The following ZNF487 variants were observed in gnomAD, a reference collection of about 807,000 sequenced individuals.
ZNF487 encodes KRAB domain only 1.
A neutral mutation model predicts 3.0 loss-of-function variants in ZNF487; 4 were observed. That is an observed-to-expected ratio of 1.35 (90% CI 0.66 to 3.08). ZNF487 has a LOEUF of 3.08. ZNF487 is among the 30% of genes most tolerant of loss of function. The pLI, the probability that ZNF487 is intolerant of heterozygous loss-of-function variation, is 0.01. For missense variants in ZNF487, 146 were observed against 98.7 expected, an observed-to-expected ratio of 1.48 and a Z score of -2.03; for synonymous variants, 55 against 34.6, an observed-to-expected ratio of 1.59 and a Z score of -2.06.
intron 1 of ZNF487, among the ~76,000 whole-genome samples, chr10:43,451,075 T>C (rs1446014170): frequency 6.6e-6 from 1 of 151,788 alleles, no homozygotes; most frequent in African/African-American, 2.4e-5. Context: ...GCCTCCCTAA[T>C]AGCTGGGATT....
chr10:43,440,402 AT>A (rs1839555053), intron 1 of ZNF487, among the ~76,000 whole-genome samples: 1 of 151,702 alleles, frequency 6.6e-6, no homozygotes, highest in Admixed American at 6.6e-5. Flanking sequence ...CACACCTATA[AT>A]CCCAGCACTT....
chr10:43,447,614 C>T (rs890634877), intron 1 of ZNF487, among the ~76,000 whole-genome samples: 1 of 152,196 alleles, frequency 6.6e-6, no homozygotes, highest in African/African-American at 2.4e-5. Flanking sequence ...GCACTGGGCA[C>T]TATTCCCTCT....
At chr10:43,480,009 TTC>T (rs1841275653) in intron 3 of ZNF487, among the ~76,000 whole-genome samples, 1 of 73,486 alleles carries the variant, frequency 1.4e-5, no homozygotes, top group Non-Finnish European at 3.9e-5. Context: ...CTTTCTTTCT[TTC>T]TTTCTTTCTT....
intron 1 of ZNF487, chr10:43,453,644 G>A (rs1051646595): frequency 1.3e-5 from 2 of 152,200 alleles, no homozygotes; most frequent in East Asian, 1.9e-4. Flanking sequence ...TGAGTGAGCC[G>A]AATAACAAAC....
At chr10:43,469,585 C>T (rs566854949) in intron 1 of ZNF487, among the ~76,000 whole-genome samples, 163 of 152,120 alleles carry the variant, frequency 1.1e-3, no homozygotes, top group Middle Eastern at 3.4e-3. Context: ...AAATGATCCT[C>T]CCACTTCAAC....
At chr10:43,485,286 AT>A (rs1841462416), downstream of ZNF487, among the ~76,000 whole-genome samples, 1 of 152,216 alleles carries the variant, frequency 6.6e-6, no homozygotes, top group Admixed American at 6.5e-5. Context: ...TAGCAGACTG[AT>A]AGCATGATTT....
the ZNF487 span, among the ~76,000 whole-genome samples, chr10:43,498,097 ATATTTTTTTTTTTTTTCTTTTTTTTTTTT>A: frequency 1.5e-3 from 15 of 10,048 alleles, no homozygotes; most frequent in South Asian, 0.022. Context: ...ATATATATAT[ATATTTTTTTTTTTTTTCTTTTTTTTTTTT>A]TTTTTTTTTT....
At chr10:43,477,785 C>G (rs557819110) in intron 3 of ZNF487, among the ~76,000 whole-genome samples, 32 of 151,528 alleles carry the variant, frequency 2.1e-4, no homozygotes, top group African/African-American at 7.0e-4. Flanking sequence ...AACGCCGTCT[C>G]TACTAAAAGT....
At chr10:43,455,258 G>T (rs566223600) in intron 1 of ZNF487, among the ~76,000 whole-genome samples, 1 of 152,006 alleles carries the variant, frequency 6.6e-6, no homozygotes, top group East Asian at 1.9e-4. Context: ...TGATCCGCCC[G>T]CCTCGGCCTC....
intron 1 of ZNF487, among the ~76,000 whole-genome samples, chr10:43,445,431 A>G (rs1564412034): frequency 1.3e-5 from 2 of 152,094 alleles, no homozygotes; most frequent in Admixed American, 1.3e-4. Context: ...GATGCAGGAT[A>G]TTTTTGTATT....
chr10:43,461,778 A>T (rs1164407608), intron 1 of ZNF487, among the ~76,000 whole-genome samples: 1 of 152,184 alleles, frequency 6.6e-6, no homozygotes, highest in Non-Finnish European at 1.5e-5. Context: ...GCTTTTCTTT[A>T]TGAATAATTT....
downstream of ZNF487, among the ~76,000 whole-genome samples, chr10:43,487,048 AT>A (rs571835589): frequency 1.3e-4 from 20 of 152,284 alleles, no homozygotes; most frequent in South Asian, 3.9e-3. Context: ...AAGTAAAAAG[AT>A]TAAGTGCCAT....
the ZNF487 span, among the ~76,000 whole-genome samples, chr10:43,509,458 C>CAT: frequency 0.082 from 11,060 of 135,040 alleles, 807 homozygotes; most frequent in African/African-American, 0.2. Flanking sequence ...ACTAATGGAA[C>CAT]ATATATATAT....
intron 1 of ZNF487, 31 bp from the exon 2 acceptor site, chr10:43,475,690 C>G (rs765394126): frequency 3.9e-6 from 3 of 774,088 alleles, no homozygotes; most frequent in Non-Finnish European, 7.2e-6. Flanking sequence ...CTTCTGATCA[C>G]TGTAGAATGA....
the ZNF487 span, among the ~76,000 whole-genome samples, chr10:43,497,169 G>A: frequency 6.6e-6 from 1 of 152,042 alleles, no homozygotes; most frequent in East Asian, 1.9e-4. Context: ...CATTCAACAA[G>A]TATGAAGTTT....
chr10:43,478,793 A>C (rs1841197608), intron 3 of ZNF487, among the ~76,000 whole-genome samples: 1 of 152,118 alleles, frequency 6.6e-6, no homozygotes, highest in Admixed American at 6.6e-5. Context: ...ACCTTAGAAT[A>C]TAAAAGGAAT....
At chr10:43,521,550 C>T in the ZNF487 span, among the ~76,000 whole-genome samples, 1 of 152,102 alleles carries the variant, frequency 6.6e-6, no homozygotes, top group Admixed American at 6.5e-5. Context: ...AGAGCATGGC[C>T]TTGTTCAGTT....
the ZNF487 span, among the ~76,000 whole-genome samples, chr10:43,493,709 A>AAAAAAAAAAAATATATATATATAT: frequency 2.3e-5 from 1 of 43,720 alleles, no homozygotes; most frequent in African/African-American, 8.7e-5. Context: ...AAAAAAAAAA[A>AAAAAAAAAAAATATATATATATAT]ATATATATAT....
At chr10:43,505,625 T>G in the ZNF487 span, among the ~76,000 whole-genome samples, 1 of 152,206 alleles carries the variant, frequency 6.6e-6, no homozygotes, top group East Asian at 1.9e-4. Context: ...CAACATTGTC[T>G]TATAATTACT....
Sources: allele counts gnomAD v4.1 joint callset (sites outside exome capture counted in the v4.1 genomes callset), GRCh38; gene constraint gnomAD v4.1.1; transcripts MANE v1.5; gene names NCBI Gene and HGNC (gene_info 2026-07-23, HGNC 2026-07-21).